PRKG1: variants seen among roughly 807,000 people sequenced by gnomAD.
PRKG1 encodes the protein protein kinase cGMP-dependent 1.
PRKG1 carries 35 observed loss-of-function variants against 88.1 expected under a neutral mutation model. The observed-to-expected ratio is 0.40, with a 90% CI of 0.30 to 0.53. PRKG1 has a LOEUF of 0.53. Among genes scored for constraint, PRKG1 ranks in the 20% least tolerant of loss-of-function variants. PRKG1 has a pLI of 0.59. For synonymous variants in PRKG1, 303 were observed against 292.5 expected, an observed-to-expected ratio of 1.04 and a Z score of -0.37; for missense variants, 540 against 839.8, an observed-to-expected ratio of 0.64 and a Z score of 4.41.
At chr10:51,866,819 TC>T (rs2132847878) in intron 4 of PRKG1, among the ~76,000 whole-genome samples, 2 of 152,306 alleles carry the variant, frequency 1.3e-5, no homozygotes, top group South Asian at 4.1e-4. Context: ...CTGAAAACTT[TC>T]TTTATACTAC....
At chr10:52,024,320 T>TTGTGG (rs900102045) in intron 5 of PRKG1, among the ~76,000 whole-genome samples, 7 of 91,402 alleles carry the variant, frequency 7.7e-5, no homozygotes, top group Non-Finnish European at 1.1e-4. Flanking sequence ...TATTTAACTT[T>TTGTGG]TTTTTTTATT....
At chr10:51,241,118 C>G (rs1012750890) in intron 2 of PRKG1, among the ~76,000 whole-genome samples, 6 of 152,136 alleles carry the variant, frequency 3.9e-5, no homozygotes, top group Non-Finnish European at 8.8e-5. Context: ...TGAAGATGAA[C>G]TGAGGCTCAT....
intron 3 of PRKG1, among the ~76,000 whole-genome samples, chr10:51,582,597 TTCC>T (rs1838067934): frequency 1.3e-5 from 2 of 152,126 alleles, no homozygotes; most frequent in Non-Finnish European, 2.9e-5. Context: ...GGACAGTGGC[TTCC>T]AGCTTCATCC....
intron 2 of PRKG1, among the ~76,000 whole-genome samples, chr10:51,366,602 C>T (rs1842595149): frequency 6.6e-6 from 1 of 151,892 alleles, no homozygotes; most frequent in Non-Finnish European, 1.5e-5. Context: ...GTTAACATGG[C>T]AATCTGTTTA....
At chr10:51,268,737 G>A (rs141547019) in intron 2 of PRKG1, among the ~76,000 whole-genome samples, 4,622 of 152,166 alleles carry the variant, frequency 0.03, 222 homozygotes, top group African/African-American at 0.1. Context: ...ATCCTCCTCA[G>A]CTTACGAAAA....
In PRKG1 at chr10:51,530,093, T is replaced by G. The variant is rs893384639; in HGVS notation, c.592+62257T>G. ...ACATAATATTGGTATTACTTTTTCA[T>G]GCATCCTTAGAATCATAGCATTTTT... On this transcript the variant is annotated intron_variant, in intron 3 of 17. Coordinates refer to ENST00000373980, the MANE Select transcript of PRKG1 (RefSeq NM_006258.4). Among the ~76,000 whole-genome samples the G allele has an allele frequency of 2.0e-5, 3 of 152,228 alleles. No individual in the cohort carries two copies. In the East Asian group the frequency reaches 5.8e-4, roughly 29 times the overall value.
At chr10:51,251,177 C>T (rs1344893895) in intron 2 of PRKG1, among the ~76,000 whole-genome samples, 1 of 151,706 alleles carries the variant, frequency 6.6e-6, no homozygotes, top group Non-Finnish European at 1.5e-5. Flanking sequence ...CTTCCTTTTC[C>T]TATTTTAATA....
chr10:51,010,130 G>T (rs1842976760), intron 1 of PRKG1, among the ~76,000 whole-genome samples: 2 of 152,230 alleles, frequency 1.3e-5, no homozygotes, highest in African/African-American at 2.4e-5. Flanking sequence ...CAGGGCCATT[G>T]TTTGTGCGAA....
intron 3 of PRKG1, chr10:51,697,887 C>T (rs185775803): frequency 6.2e-7 from 1 of 1,611,636 alleles, no homozygotes; most frequent in Non-Finnish European, 8.5e-7. Flanking sequence ...TGGCTTCCAC[C>T]TTGCTTGCTT....
At chr10:52,184,111 CT>C (rs1321225909) in intron 9 of PRKG1, among the ~76,000 whole-genome samples, 1 of 152,132 alleles carries the variant, frequency 6.6e-6, no homozygotes, top group East Asian at 1.9e-4. Flanking sequence ...TTGTTCATTG[CT>C]TTGTCCCCTT....
At chr10:51,612,877 C>A (rs761620481) in intron 3 of PRKG1, among the ~76,000 whole-genome samples, 1 of 151,930 alleles carries the variant, frequency 6.6e-6, no homozygotes, top group Non-Finnish European at 1.5e-5. Context: ...TTGAGATGAT[C>A]ATATGCTTTT....
intron 2 of PRKG1, among the ~76,000 whole-genome samples, chr10:51,154,560 T>C (rs1214455374): frequency 6.6e-6 from 1 of 152,048 alleles, no homozygotes; most frequent in East Asian, 1.9e-4. Flanking sequence ...GTATTATTTC[T>C]ATTAAAATCT....
At chr10:51,627,972 C>T (rs866249827) in intron 3 of PRKG1, among the ~76,000 whole-genome samples, 35 of 18,218 alleles carry the variant, frequency 1.9e-3, no homozygotes, top group African/African-American at 4.5e-3. Context: ...CTTTCTTTCT[C>T]TTTCTTTCTT....
intron 7 of PRKG1, among the ~76,000 whole-genome samples, chr10:52,091,102 T>A (rs1847045393): frequency 6.6e-6 from 1 of 152,200 alleles, no homozygotes; most frequent in Non-Finnish European, 1.5e-5. Context: ...CAGGAGTCTG[T>A]AATGAAGGTG....
intron 4 of PRKG1, among the ~76,000 whole-genome samples, chr10:51,845,690 G>A (rs1324503131): frequency 6.6e-6 from 1 of 152,122 alleles, no homozygotes; most frequent in Non-Finnish European, 1.5e-5. Context: ...TTATGGACAT[G>A]TTATGTGGTT....
At chr10:50,994,642 G>A (rs1842816828) in intron 1 of PRKG1, among the ~76,000 whole-genome samples, 1 of 151,938 alleles carries the variant, frequency 6.6e-6, no homozygotes, top group Admixed American at 6.6e-5. Context: ...TATGATTTCT[G>A]TAGCATTTGA....
intron 3 of PRKG1, among the ~76,000 whole-genome samples, chr10:51,604,364 C>T (rs997305854): frequency 6.6e-5 from 10 of 151,992 alleles, no homozygotes; most frequent in African/African-American, 1.9e-4. Context: ...TTTAAGATGG[C>T]GTTTATAAAA....
At chr10:51,959,767 T>C (rs1356169922) in intron 5 of PRKG1, among the ~76,000 whole-genome samples, 1 of 152,136 alleles carries the variant, frequency 6.6e-6, no homozygotes, top group Non-Finnish European at 1.5e-5. Flanking sequence ...GATGCCAAGA[T>C]TTCTAACTGC....
intron 4 of PRKG1, among the ~76,000 whole-genome samples, chr10:51,811,375 T>A (rs1234991234): frequency 6.6e-6 from 1 of 152,208 alleles, no homozygotes; most frequent in Non-Finnish European, 1.5e-5. Context: ...TGATCCAATT[T>A]AAAAATCTGG....
Sources: allele counts gnomAD v4.1 joint callset (sites outside exome capture counted in the v4.1 genomes callset), GRCh38; gene constraint gnomAD v4.1.1; transcripts MANE v1.5; gene names NCBI Gene and HGNC (gene_info 2026-07-23, HGNC 2026-07-21).